TLCD4: variants seen among roughly 807,000 people sequenced by gnomAD.
TLCD4 encodes the protein TLC domain-containing protein 4.
TLCD4 carries 7 observed loss-of-function variants against 24.2 expected under a neutral mutation model. That is an observed-to-expected ratio of 0.29 (90% confidence interval 0.16 to 0.54). TLCD4 has a LOEUF of 0.54. Among genes scored for constraint, TLCD4 ranks in the 20% least tolerant of loss-of-function variants. The probability of loss-of-function intolerance (pLI) is 0.95; values close to 1 mark genes in which losing one functional copy is unlikely to be tolerated. For missense variants in TLCD4, 259 were observed against 313.9 expected (o/e 0.82, Z 1.32); for synonymous variants, 103 against 106.4 (o/e 0.97, Z 0.20).
intron 1 of TLCD4, among the ~76,000 whole-genome samples, chr1:95,126,689 T>C (rs1010543956): frequency 2.0e-5 from 3 of 152,196 alleles, no homozygotes; most frequent in African/African-American, 7.2e-5. Flanking sequence ...ATACTGAGTG[T>C]TGGCTGTCAG....
rs148853674 is a variant in TLCD4, at chr1:95,150,812, C to T, written c.305-513C>T. On this transcript the variant is annotated intron_variant, in intron 4 of 6. Transcript: ENST00000370203. ...TTATAAATGAGTTGGTCATTTTGTA[C>T]CTTCCCTATGACCATCTTATCTCTG... Among the ~76,000 whole-genome samples the T allele has an allele frequency of 4.7e-3, 718 of 151,914 alleles. 8 individuals are homozygous for T. The highest frequency in any genetic ancestry group is 0.016 in the African/African-American group (672 of 41,454).
the TLCD4 span, among the ~76,000 whole-genome samples, chr1:95,104,198 C>A: frequency 6.6e-6 from 1 of 152,194 alleles, no homozygotes; most frequent in Admixed American, 6.5e-5. Flanking sequence ...AGCCACAGAA[C>A]TTTGAGCTTC....
Position 95,117,443 on chromosome 1 carries a change from A to G in TLCD4, c.-186A>G, listed in dbSNP as rs1003525127. The stretch of plus-strand genomic sequence containing the variant: ...CTGGAGCCTCCGCGACTGCACCTCC[A>G]AGCGGCCCGGAACCCGCGGCTTCCC... On this transcript the variant is annotated 5_prime_UTR_variant, in exon 1 of 7. Coordinates refer to ENST00000370203, the MANE Select transcript of TLCD4 (RefSeq NM_152487.3). The G allele has an allele frequency of 6.6e-5, 10 of 152,178 alleles. No homozygotes were observed. 9.4% of individuals were successfully genotyped at this position (152,178 alleles called of 1,614,324 possible).
chr1:95,184,019 G>A (rs6593616), intron 6 of TLCD4, among the ~76,000 whole-genome samples: 46,548 of 151,918 alleles, frequency 0.31, 8,270 homozygotes, highest in East Asian at 0.62. Flanking sequence ...CAGGGTTAAT[G>A]TTTATTAAAT....
At chr1:95,146,792 C>T (rs1677362326) in intron 2 of TLCD4, among the ~76,000 whole-genome samples, 1 of 152,136 alleles carries the variant, frequency 6.6e-6, no homozygotes, top group Non-Finnish European at 1.5e-5. Flanking sequence ...TAATATTTAA[C>T]TTTTCTGTAC....
At chr1:95,104,579 G>T in the TLCD4 span, among the ~76,000 whole-genome samples, 1 of 149,920 alleles carries the variant, frequency 6.7e-6, no homozygotes. Context: ...GCAGACGAGT[G>T]GCATGAACTC....
chr1:95,161,988 G>T (rs1344248078), intron 5 of TLCD4, among the ~76,000 whole-genome samples: 1 of 152,210 alleles, frequency 6.6e-6, no homozygotes, highest in African/African-American at 2.4e-5. Flanking sequence ...TTGATTTGGG[G>T]TGGAGAGTTC....
At chr1:95,132,770 T>C (rs753389742) in intron 1 of TLCD4, among the ~76,000 whole-genome samples, 15 of 152,140 alleles carry the variant, frequency 9.9e-5, no homozygotes, top group Non-Finnish European at 1.5e-4. Context: ...AGATAGAAGA[T>C]GGTCTGGAGT....
intron 6 of TLCD4, among the ~76,000 whole-genome samples, chr1:95,177,476 GCAGGAAGATGTT>G (rs1250030072): frequency 3.3e-5 from 5 of 152,192 alleles, no homozygotes; most frequent in Non-Finnish European, 7.3e-5. Context: ...CACAAGCAAA[GCAGGAAGATGTT>G]CAGGACAATT....
intron 1 of TLCD4, among the ~76,000 whole-genome samples, chr1:95,135,870 C>T (rs1009628494): frequency 1.3e-5 from 2 of 151,916 alleles, no homozygotes; most frequent in Admixed American, 6.6e-5. Context: ...AGGTGTGCAC[C>T]ACCACACCTG....
chr1:95,158,480 G>A (rs527383501), intron 5 of TLCD4, among the ~76,000 whole-genome samples: 24 of 149,510 alleles, frequency 1.6e-4, no homozygotes, highest in African/African-American at 5.8e-4. Context: ...ACCATCCCTG[G>A]CCTCTTGATA....
In TLCD4 at chr1:95,196,081, A is replaced by C. The variant is rs1178080983; in HGVS notation, c.*4213A>C. 1 of 152,220 alleles carries C rather than the reference A, an allele frequency of 6.6e-6. No individual in the cohort carries two copies. The highest frequency in any genetic ancestry group is 2.4e-5 in the African/African-American group (1 of 41,456). 9.4% of individuals were successfully genotyped at this position (152,220 alleles called of 1,614,324 possible). ...ACAAATCATGACTTATTAAGAGACT[A>C]CAGGAAGCCATTCAGCATTTAATAA... is the stretch of plus-strand genomic sequence containing the variant. On this transcript the variant is annotated 3_prime_UTR_variant, in exon 7 of 7. Coordinates refer to ENST00000370203, the MANE Select transcript of TLCD4 (RefSeq NM_152487.3).
chr1:95,101,618 C>T, the TLCD4 span, among the ~76,000 whole-genome samples: 1 of 152,096 alleles, frequency 6.6e-6, no homozygotes, highest in African/African-American at 2.4e-5. Flanking sequence ...CTCTGATTTA[C>T]AAGGTTTTTT....
chr1:95,121,713 G>C (rs1005409117), intron 1 of TLCD4, among the ~76,000 whole-genome samples: 3 of 152,136 alleles, frequency 2.0e-5, no homozygotes, highest in Non-Finnish European at 4.4e-5. Flanking sequence ...CAAGTGATCC[G>C]CCCAACTCAG....
chr1:95,099,053 C>CAAAAAAAAAAAAAAAAAAAAAAAA, the TLCD4 span, among the ~76,000 whole-genome samples: 1 of 70,656 alleles, frequency 1.4e-5, no homozygotes, highest in Non-Finnish European at 2.6e-5. Flanking sequence ...AACTCTGTCT[C>CAAAAAAAAAAAAAAAAAAAAAAAA]AAAAAAAAAA....
At chr1:95,112,523 T>C (rs1199220958), upstream of TLCD4, among the ~76,000 whole-genome samples, 14 of 152,154 alleles carry the variant, frequency 9.2e-5, no homozygotes, top group Non-Finnish European at 2.1e-4. Flanking sequence ...AAATGGAAGA[T>C]TCTAGAAAGA....
In TLCD4 at chr1:95,196,760, A is replaced by G. The variant is rs1369054330; in HGVS notation, c.*4892A>G. The stretch of plus-strand genomic sequence containing the variant: ...TTTTTCTTTATATCTTTATGTAATT[A>G]TTTCTGTAATTAAGTGTACATTAGG... On this transcript the variant is annotated 3_prime_UTR_variant, in exon 7 of 7. Coordinates refer to ENST00000370203, the MANE Select transcript of TLCD4 (RefSeq NM_152487.3). The G allele has an allele frequency of 2.0e-5, 3 of 152,160 alleles. No individual in the cohort carries two copies. Among genetic ancestry groups the G allele is most frequent in the Non-Finnish European group, 4.4e-5 (3 of 68,020 alleles). The allele number at this position is 152,160 out of a possible 1,614,324, so 9.4% of individuals were successfully genotyped here. A position where few individuals can be genotyped will look rare whatever the true frequency, so the allele number is the denominator to read the frequency against.
At chr1:95,191,493 A>G in intron 6 of TLCD4, 57 bp from the exon 7 acceptor site, 1 of 1,532,244 alleles carries the variant, frequency 6.5e-7, no homozygotes. Context: ...TAAAATAAAA[A>G]TGGTTAATCC....
At chr1:95,168,638 C>T (rs893740126) in intron 5 of TLCD4, among the ~76,000 whole-genome samples, 4 of 143,126 alleles carry the variant, frequency 2.8e-5, no homozygotes, top group African/African-American at 1.0e-4. Flanking sequence ...ATCCTCCTGC[C>T]TCTGCTGGCA....
Sources: gnomAD v4.1 joint callset for allele counts (sites outside exome capture counted in the v4.1 genomes callset) on GRCh38, gnomAD v4.1.1 for gene constraint, MANE v1.5 for transcripts, NCBI Gene and HGNC (gene_info 2026-07-23, HGNC 2026-07-21) for gene names.